Variants in ARHGEF12 observed in about 807,000 individuals in gnomAD.
ARHGEF12 encodes the protein Rho guanine nucleotide exchange factor 12, also known as KMT2A/ARHGEF12 fusion protein.
Under a neutral mutation model 211.2 loss-of-function variants are expected in ARHGEF12, and 66 were observed. The ratio of observed to expected loss-of-function variants is 0.31; its 90% CI spans 0.26 to 0.38. The LOEUF (loss-of-function observed/expected upper bound fraction) is 0.38, where lower values mean the gene tolerates loss of function less well. Among genes scored for constraint, ARHGEF12 ranks in the 10% least tolerant of loss-of-function variants. The pLI is 1.00. For missense variants in ARHGEF12, 1,429 were observed against 1,869.5 expected, an observed-to-expected ratio of 0.76 and a Z score of 4.34; for synonymous variants, 592 against 638.4, an observed-to-expected ratio of 0.93 and a Z score of 1.09.
At position 120,476,935 on chromosome 11, in the gene ARHGEF12, G is replaced by A. The variant is rs866882847; in HGVS notation, c.3365+187G>A. 4 of 593,386 alleles carry A rather than the reference G, an allele frequency of 6.7e-6. No individual in the cohort carries two copies. In the African/African-American group the frequency reaches 7.5e-5, roughly 11 times the overall value. 36.8% of individuals were successfully genotyped at this position (593,386 alleles called of 1,614,324 possible). A position where few individuals can be genotyped will look rare whatever the true frequency, so the allele number is the denominator to read the frequency against. On this transcript the variant is annotated intron_variant, in intron 34 of 40. Transcript: ENST00000397843. ...ATGCCTTTTATTTTGATTCTATTCT[G>A]AAAGTTTATTTCCTAAAGAAAAAAT...
chr11:120,336,877 C>A lies in ARHGEF12; in HGVS notation c.-367C>A. The A allele has an allele frequency of 2.6e-6, 1 of 391,808 alleles. No homozygotes were observed. The highest frequency in any genetic ancestry group is 4.5e-6 in the Non-Finnish European group (1 of 221,970). 24.3% of individuals were successfully genotyped at this position (391,808 alleles called of 1,614,324 possible). A position where few individuals can be genotyped will look rare whatever the true frequency, so the allele number is the denominator to read the frequency against. ...AGACTCCGGAGGAGGAGCCGACACC[C>A]GTCCGTGAGCTGATCCCGCCCCAGC... On this transcript the variant is annotated 5_prime_UTR_variant, in exon 1 of 41. Transcript: ENST00000397843.
rs1945560227 is a variant in ARHGEF12, at chr11:120,432,061, G to A, written c.924+150G>A. On this transcript the variant is annotated intron_variant, in intron 11 of 40. Coordinates refer to ENST00000397843, the MANE Select transcript of ARHGEF12 (RefSeq NM_015313.3). ...GTACCAATTTGATAAACAGAAATCT[G>A]GTTACTGTTATATATAAGCTTTTAA... The A allele has an allele frequency of 9.6e-6, 7 of 727,296 alleles. No individual in the cohort carries two copies. In the South Asian group the frequency reaches 2.5e-4, roughly 26 times the overall value. 45.1% of individuals were successfully genotyped at this position (727,296 alleles called of 1,614,324 possible). A position where few individuals can be genotyped will look rare whatever the true frequency, so the allele number is the denominator to read the frequency against.
intron 15 of ARHGEF12, among the ~76,000 whole-genome samples, chr11:120,443,699 A>T (rs972681801): frequency 2.6e-5 from 4 of 152,154 alleles, no homozygotes; most frequent in South Asian, 2.1e-4. Flanking sequence ...TTAGTTAGTT[A>T]GTTTGTTTAC....
Position 120,406,151 on chromosome 11 carries a change from C to A in ARHGEF12, c.56+10C>A. 5 of 1,512,686 alleles carry A rather than the reference C, an allele frequency of 3.3e-6. No individual in the cohort carries two copies. The highest frequency in any genetic ancestry group is 3.5e-6 in the Non-Finnish European group (4 of 1,131,278). 93.7% of individuals were successfully genotyped at this position (1,512,686 alleles called of 1,614,324 possible). On this transcript the variant is annotated intron_variant, in intron 2 of 40. Transcript: ENST00000397843. ...TCAAAAAACCTATAAGGTAAGTTTGCTCAATTACACTTCATACTCAAGTTT... is the reference window on the plus strand; with the variant it reads ...TCAAAAAACCTATAAGGTAAGTTTGATCAATTACACTTCATACTCAAGTTT...
chr11:120,400,303 G>A (rs1944518653), intron 1 of ARHGEF12, among the ~76,000 whole-genome samples: 1 of 152,080 alleles, frequency 6.6e-6, no homozygotes, highest in Non-Finnish European at 1.5e-5. Flanking sequence ...ACAGAATCAT[G>A]CATTGCCCCT....
At chr11:120,338,122 C>T (rs1156507972) in intron 1 of ARHGEF12, among the ~76,000 whole-genome samples, 1 of 152,186 alleles carries the variant, frequency 6.6e-6, no homozygotes, top group Non-Finnish European at 1.5e-5. Flanking sequence ...GGATAAAAAG[C>T]ATATTGATTC....
intron 1 of ARHGEF12, among the ~76,000 whole-genome samples, chr11:120,366,918 A>G (rs2135390633): frequency 6.6e-6 from 1 of 152,254 alleles, no homozygotes; most frequent in South Asian, 2.1e-4. Context: ...TGGGAGGCTG[A>G]GGCAGGAGAA....
rs762657173 is a variant in ARHGEF12, at chr11:120,429,695, T to C, written c.664-17T>C. 2.5e-6 allele frequency: 4 copies of C among 1,603,394 alleles called. No individual in the cohort carries two copies. The South Asian group carries it at 3.4e-5, about 14-fold the overall frequency. ...ACATAAGTAATTAATTCTGAAAATA[T>C]TTTTATAACTTTTCAGTTATTGCAG... is the stretch of plus-strand genomic sequence containing the variant. On this transcript the variant is annotated splice_polypyrimidine_tract_variant and intron_variant, in intron 9 of 40. Transcript: ENST00000397843.
chr11:120,421,979 A>C, intron 6 of ARHGEF12, 127 bp downstream of exon 6: 1 of 638,778 alleles, frequency 1.6e-6, no homozygotes, highest in Non-Finnish European at 2.7e-6. Flanking sequence ...AGATCTGTTG[A>C]CTATACAAAC....
intron 1 of ARHGEF12, among the ~76,000 whole-genome samples, chr11:120,357,859 C>CCAGCCTATTG (rs1565425820): frequency 1.1e-4 from 16 of 151,972 alleles, no homozygotes; most frequent in African/African-American, 3.9e-4. Context: ...CGTAAGCCAC[C>CCAGCCTATTG]GTGCCACCAA....
At chr11:120,434,933 C>T (rs1394677437) in intron 11 of ARHGEF12, among the ~76,000 whole-genome samples, 1 of 152,190 alleles carries the variant, frequency 6.6e-6, no homozygotes, top group African/African-American at 2.4e-5. Flanking sequence ...ATCCTCCAAA[C>T]ACCAGATTAA....
At chr11:120,418,882 G>C (rs1945103371) in intron 4 of ARHGEF12, among the ~76,000 whole-genome samples, 1 of 151,932 alleles carries the variant, frequency 6.6e-6, no homozygotes, top group South Asian at 2.1e-4. Context: ...TTATTGGCTG[G>C]AGAGTTGCAT....
At chr11:120,381,156 A>C (rs1475654464) in intron 1 of ARHGEF12, among the ~76,000 whole-genome samples, 2 of 147,186 alleles carry the variant, frequency 1.4e-5, no homozygotes, top group Non-Finnish European at 3.0e-5. Context: ...AGGCCCTCTC[A>C]GGGGACAGAG....
At chr11:120,428,545 G>A (rs1021176071) in intron 8 of ARHGEF12, among the ~76,000 whole-genome samples, 1 of 152,028 alleles carries the variant, frequency 6.6e-6, no homozygotes, top group African/African-American at 2.4e-5. Flanking sequence ...TAGGAGGGCG[G>A]GGATTTTTGT....
intron 1 of ARHGEF12, among the ~76,000 whole-genome samples, chr11:120,400,768 G>A (rs1049683007): frequency 5.3e-5 from 8 of 152,198 alleles, no homozygotes; most frequent in African/African-American, 1.9e-4. Context: ...ATTTGTCAAA[G>A]TGTGTCCAGG....
intron 26 of ARHGEF12, among the ~76,000 whole-genome samples, chr11:120,460,017 T>C (rs555396786): frequency 6.6e-6 from 1 of 152,336 alleles, no homozygotes; most frequent in Admixed American, 6.5e-5. Context: ...GCCTCAGGAA[T>C]TATTTTATTG....
chr11:120,396,558 T>G (rs907360116), intron 1 of ARHGEF12, among the ~76,000 whole-genome samples: 1 of 152,224 alleles, frequency 6.6e-6, no homozygotes, highest in Non-Finnish European at 1.5e-5. Context: ...TAGACCCACG[T>G]ATATATGGAA....
At chr11:120,343,046 A>G (rs903867753) in intron 1 of ARHGEF12, among the ~76,000 whole-genome samples, 2 of 143,924 alleles carry the variant, frequency 1.4e-5, no homozygotes, top group African/African-American at 5.3e-5. Flanking sequence ...TAGTGAAATA[A>G]CAATGCTTAG....
At chr11:120,456,444 G>C (rs1464274548) in intron 22 of ARHGEF12, among the ~76,000 whole-genome samples, 1 of 152,128 alleles carries the variant, frequency 6.6e-6, no homozygotes, top group African/African-American at 2.4e-5. Flanking sequence ...TGGTAGAAAA[G>C]TGAAAGTGGA....
Sources: gnomAD v4.1 joint callset for allele counts (sites outside exome capture counted in the v4.1 genomes callset) on GRCh38, gnomAD v4.1.1 for gene constraint, MANE v1.5 for transcripts, NCBI Gene and HGNC (gene_info 2026-07-23, HGNC 2026-07-21) for gene names.